Variants in HAUS7 observed in about 807,000 individuals in gnomAD.
The protein encoded by HAUS7 is HAUS augmin-like complex subunit 7.
In HAUS7, 3 loss-of-function variants were observed where a neutral mutation model predicts 28.4. The ratio of observed to expected loss-of-function variants is 0.11; its 90% CI spans 0.05 to 0.27. HAUS7 has a LOEUF of 0.27. HAUS7 is among the 10% of genes least tolerant of loss of function. The probability of loss-of-function intolerance (pLI) is 1.00; values close to 1 mark genes in which losing one functional copy is unlikely to be tolerated. For synonymous variants in HAUS7, 165 were observed against 132.1 expected (o/e 1.25, Z -1.71); for missense variants, 284 against 297.3 (o/e 0.96, Z 0.33).
At chrX:153,493,321 C>T (rs2089682956) in intron 1 of HAUS7, among the ~76,000 whole-genome samples, 1 of 112,007 alleles carries the variant, frequency 8.9e-6, no homozygotes, top group African/African-American at 3.2e-5. Context: ...TTTCCAAATG[C>T]TTCTCTCTCC....
chrX:153,486,565 A>G (rs937114330), intron 1 of HAUS7: 11 of 873,632 alleles, frequency 1.3e-5, no homozygotes, highest in African/African-American at 4.2e-5. Flanking sequence ...TCTCTTCTTG[A>G]ATGATGCCTA....
At chrX:153,457,682 G>A (rs187324237) in intron 4 of HAUS7, among the ~76,000 whole-genome samples, 2 of 113,229 alleles carry the variant, frequency 1.8e-5, no homozygotes, top group East Asian at 2.8e-4. Flanking sequence ...TTTCCAGCCA[G>A]GGGACTGGCG....
intron 1 of HAUS7, among the ~76,000 whole-genome samples, chrX:153,478,716 G>A (rs782753026): frequency 8.9e-6 from 1 of 112,901 alleles, no homozygotes; most frequent in Non-Finnish European, 1.9e-5. Context: ...TCTCAGGCAC[G>A]GGAGGCATAC....
chrX:153,480,804 G>T, intron 1 of HAUS7: 4 of 754,960 alleles, frequency 5.3e-6, no homozygotes, highest in Non-Finnish European at 6.3e-6. Flanking sequence ...GGGCCTGGTC[G>T]CTGAGTGGGC....
intron 1 of HAUS7, chrX:153,482,863 C>A: frequency 2.2e-6 from 1 of 462,752 alleles, no homozygotes; most frequent in Non-Finnish European, 2.7e-6. Flanking sequence ...GCCTGCCGTC[C>A]TCCCTGCAGT....
At chrX:153,466,474 G>A (rs968833799) in intron 2 of HAUS7, among the ~76,000 whole-genome samples, 12 of 112,262 alleles carry the variant, frequency 1.1e-4, no homozygotes, top group African/African-American at 3.6e-4. Context: ...AATCCAGGGG[G>A]CTCCATGAGC....
chrX:153,483,376 C>T (rs929754665), intron 1 of HAUS7: 169 of 754,429 alleles, frequency 2.2e-4, no homozygotes, highest in Non-Finnish European at 2.6e-4. Flanking sequence ...ACAGCCTCAG[C>T]GTGCTGGTGC....
At chrX:153,454,837 T>C (rs1556981716) in intron 8 of HAUS7, 2 of 896,315 alleles carry the variant, frequency 2.2e-6, no homozygotes, top group South Asian at 4.2e-5. Context: ...GGAAAATAAA[T>C]GTCCCAAGAA....
intron 1 of HAUS7, chrX:153,487,066 G>A (rs1285805182): frequency 3.6e-5 from 9 of 253,091 alleles, no homozygotes; most frequent in Admixed American, 5.4e-5. Context: ...CCTCCCTCCA[G>A]GAGCTACGCT....
chrX:153,456,145 A>C, intron 7 of HAUS7, 120 bp downstream of exon 7: 5 of 541,398 alleles, frequency 9.2e-6, no homozygotes, highest in Non-Finnish European at 1.6e-5. Flanking sequence ...GCACCACAGT[A>C]TTCTAGAACA....
At chrX:153,474,471 C>CTCCT (rs1344329237), upstream of HAUS7, among the ~76,000 whole-genome samples, 1 of 112,238 alleles carries the variant, frequency 8.9e-6, no homozygotes, top group East Asian at 2.8e-4. Context: ...AGGCCACAGG[C>CTCCT]TCCTGCAAGA....
upstream of HAUS7, chrX:153,470,933 G>GC (rs1569531311): frequency 2.9e-6 from 1 of 339,034 alleles, no homozygotes; most frequent in Admixed American, 3.1e-5. Context: ...TGCTGGCGTC[G>GC]CCCCTGCTGC....
intron 1 of HAUS7, chrX:153,482,650 C>CAGGG (rs1556987586): frequency 1.3e-6 from 1 of 743,845 alleles, no homozygotes; most frequent in African/African-American, 2.3e-5. Context: ...TAGGGGCAGG[C>CAGGG]AGGGGTTCTA....
In HAUS7 at chrX:153,456,291, C is replaced by T. The variant is rs1159945888; in HGVS notation, c.679G>A (p.Ala227Thr). The T allele has an allele frequency of 1.1e-5, 13 of 1,209,287 alleles. No individual in the cohort carries two copies. The highest frequency in any genetic ancestry group is 1.3e-5 in the Non-Finnish European group (12 of 894,261). Residue 227 changes from alanine (A) to threonine (T), a missense_variant, in exon 7 of 10, where the codon GCC becomes ACC. Physicochemically the swap from Ala to Thr is moderately conservative, Grantham distance 58 (BLOSUM62 0). Transcript: ENST00000370211. ...ELARQLQESA[A>T]KLHALRTEYF... ...TCCGTTCTAAGCGCGTGCAACTTGG[C>T]AGCACTCTCCTGCAGCTGCCTGGCA...
chrX:153,492,506 CCTTCCA>C (rs1403755914), intron 1 of HAUS7, among the ~76,000 whole-genome samples: 6 of 112,272 alleles, frequency 5.3e-5, no homozygotes, highest in Non-Finnish European at 1.1e-4. Flanking sequence ...GATACAAAAA[CCTTCCA>C]GGTACAAGGA....
chrX:153,486,621 C>T, intron 1 of HAUS7: 2 of 982,568 alleles, frequency 2.0e-6, no homozygotes, highest in Non-Finnish European at 2.6e-6. Context: ...CCCCACCCCT[C>T]CCTTGCAGAC....
chrX:153,494,620 C>A (rs1556990259), intron 1 of HAUS7, among the ~76,000 whole-genome samples: 1 of 111,075 alleles, frequency 9.0e-6, no homozygotes, highest in Admixed American at 9.4e-5. Context: ...CTCTGCCTGG[C>A]GAGATGCCAG....
rs1556983598 is a variant in HAUS7, at chrX:153,462,613, G to A, written c.351C>T (p.Leu117=). 1.7e-6 allele frequency: 2 copies of A among 1,197,471 alleles called. No individual in the cohort carries two copies. The highest frequency in any genetic ancestry group is 1.1e-6 in the Non-Finnish European group (1 of 882,011). The change falls in exon 4 of 10, where the codon CTC becomes CTT. Residue 117 remains leucine, a synonymous_variant. Coordinates refer to ENST00000370211, the MANE Select transcript of HAUS7 (RefSeq NM_001385482.1). ...MLCAPDDQEL[L]KGCACAQKQL... ...GAGCAGACAGAGGCCCTCTTACCTT[G>A]AGGAGCTCCTGGTCATCTGGCGCAC...
At chrX:153,454,259 A>G in intron 9 of HAUS7, 135 bp downstream of exon 9, 3 of 445,915 alleles carry the variant, frequency 6.7e-6, no homozygotes, top group Non-Finnish European at 1.2e-5. Context: ...CAAGTGAAGG[A>G]AAACATGCAT....
Sources: allele counts gnomAD v4.1 joint callset (sites outside exome capture counted in the v4.1 genomes callset), GRCh38; gene constraint gnomAD v4.1.1; transcripts MANE v1.5; gene names NCBI Gene and HGNC (gene_info 2026-07-23, HGNC 2026-07-21).